Variants in HOMER3 observed in about 807,000 individuals in gnomAD.
HOMER3 encodes homer scaffold protein 3.
HOMER3 carries 34 observed loss-of-function variants against 45.5 expected under a neutral mutation model. The observed-to-expected ratio is 0.75, with a 90% confidence interval of 0.57 to 1.00. HOMER3 has a LOEUF of 1.00. Among genes scored for constraint, HOMER3 ranks in the 50% least tolerant of loss-of-function variants. The pLI is 0.00. For missense variants in HOMER3, 480 were observed against 497.5 expected (o/e 0.96, Z 0.33); for synonymous variants, 223 against 208.8 (o/e 1.07, Z -0.58).
intron 6 of HOMER3, among the ~76,000 whole-genome samples, chr19:18,932,430 A>G (rs557515491): frequency 1.5e-4 from 18 of 121,462 alleles, no homozygotes; most frequent in Admixed American, 3.2e-4. Context: ...GGGCCAGAGG[A>G]GGGGTGGCTT....
Position 18,933,062 on chromosome 19 carries a change from G to T in HOMER3, c.412-17C>A, listed in dbSNP as rs1372375201. On this transcript the variant is annotated splice_polypyrimidine_tract_variant and intron_variant, in intron 5 of 9. Coordinates refer to ENST00000392351, the MANE Select transcript of HOMER3 (RefSeq NM_004838.4). Reference sequence around the variant, plus strand: ...CGGGGGCACCTAGGCACGGGGAAAAGAATAGGTCACGACCCCACATCAGCT... The same window carrying T: ...CGGGGGCACCTAGGCACGGGGAAAATAATAGGTCACGACCCCACATCAGCT... The T allele has an allele frequency of 3.4e-6, 5 of 1,485,492 alleles. No homozygotes were observed. Among genetic ancestry groups the T allele is most frequent in the Admixed American group, 5.6e-5 (2 of 35,930 alleles). 92.0% of individuals were successfully genotyped at this position (1,485,492 alleles called of 1,614,324 possible).
chr19:18,929,344 A>G lies in HOMER3; in HGVS notation c.*99T>C. The G allele has an allele frequency of 4.9e-6, 6 of 1,232,570 alleles. No individual in the cohort carries two copies. The highest frequency in any genetic ancestry group is 1.5e-5 in the African/African-American group (1 of 67,260). 76.4% of individuals were successfully genotyped at this position (1,232,570 alleles called of 1,614,324 possible). On this transcript the variant is annotated 3_prime_UTR_variant, in exon 10 of 10. Coordinates refer to ENST00000392351, the MANE Select transcript of HOMER3 (RefSeq NM_004838.4). ...CCGGCCCACCCAGGGCTAAGTTGGG[A>G]CCCCCCAGTCCCTTTCCAGGACGAA... is the stretch of plus-strand genomic sequence containing the variant.
At chr19:18,931,217 C>T (rs2057027805) in intron 9 of HOMER3, 108 bp downstream of exon 9, 1 of 991,850 alleles carries the variant, frequency 1.0e-6, no homozygotes, top group Non-Finnish European at 1.5e-6. Context: ...AGGCCTTCCA[C>T]AGGACTGGGC....
At chr19:18,932,170 G>T (rs1430547758) in intron 6 of HOMER3, 38 bp from the exon 7 acceptor site, 2 of 1,502,442 alleles carry the variant, frequency 1.3e-6, no homozygotes, top group South Asian at 1.3e-5. Flanking sequence ...GTGACACGGG[G>T]CTGGGGGGCG....
Position 18,930,246 on chromosome 19 carries a change from T to A in HOMER3, c.895-612A>T, listed in dbSNP as rs371579946. Among the ~76,000 whole-genome samples the A allele has an allele frequency of 2.5e-4, 25 of 99,752 alleles. No individual in the cohort carries two copies. The East Asian group carries it at 5.3e-3, about 21-fold the overall frequency. 65.4% of individuals were successfully genotyped at this position (99,752 alleles called of 152,430 possible). ...GCCTGGGTGACAGAGTGAGACTCCA[T>A]CTCAAAAAAAAAAAAAAAAGGCTGG... On this transcript the variant is annotated intron_variant, in intron 9 of 9. Coordinates refer to ENST00000392351, the MANE Select transcript of HOMER3 (RefSeq NM_004838.4).
chr19:18,938,236 A>C, intron 4 of HOMER3, 117 bp downstream of exon 4: 1 of 1,137,742 alleles, frequency 8.8e-7, no homozygotes, highest in South Asian at 1.7e-5. Flanking sequence ...CTCATCCTAC[A>C]ATCCCATCCT....
chr19:18,932,912 C>T lies in HOMER3; in HGVS notation c.533+12G>A. ...CCCCGCCCCTGCCACGCCCCCAAGT[C>T]CCGCCCCTCACCCCTCAGACAACAT... is the stretch of plus-strand genomic sequence containing the variant. On this transcript the variant is annotated intron_variant, in intron 6 of 9. Coordinates refer to ENST00000392351, the MANE Select transcript of HOMER3 (RefSeq NM_004838.4). The T allele has an allele frequency of 2.8e-6, 2 of 705,916 alleles. No individual in the cohort carries two copies. Among genetic ancestry groups the T allele is most frequent in the East Asian group, 7.6e-5 (1 of 13,178 alleles). 43.7% of individuals were successfully genotyped at this position (705,916 alleles called of 1,614,324 possible).
chr19:18,932,727 A>T (rs1331233884), intron 6 of HOMER3, among the ~76,000 whole-genome samples, 197 bp downstream of exon 6: 1 of 150,678 alleles, frequency 6.6e-6, no homozygotes, highest in Non-Finnish European at 1.5e-5. Flanking sequence ...GGGTCAAAAC[A>T]GAGGGGCGTG....
chr19:18,934,820 T>C (rs903435882), intron 4 of HOMER3, among the ~76,000 whole-genome samples: 3 of 151,660 alleles, frequency 2.0e-5, no homozygotes, highest in Non-Finnish European at 1.5e-5. Context: ...TAATTTTTTC[T>C]AGAGACGGGG....
In HOMER3 at chr19:18,934,299, T is replaced by G. The variant is rs375342346; in HGVS notation, c.411+4A>C. 2.1e-5 allele frequency: 32 copies of G among 1,497,454 alleles called. No individual in the cohort carries two copies. In the Admixed American group the frequency reaches 2.7e-4, roughly 13 times the overall value. The allele number at this position is 1,497,454 out of a possible 1,614,324, so 92.8% of individuals were successfully genotyped here. ...GCAGGCATAGGGGAGTAGGGAGTGCTGACCTGGTGGGAGGCGAGCCCCAGG... is the reference window on the plus strand; with the variant it reads ...GCAGGCATAGGGGAGTAGGGAGTGCGGACCTGGTGGGAGGCGAGCCCCAGG... On this transcript the variant is annotated splice_donor_region_variant and intron_variant, in intron 5 of 9. Coordinates refer to ENST00000392351, the MANE Select transcript of HOMER3 (RefSeq NM_004838.4).
In HOMER3 at chr19:18,932,047, T is replaced by C. The variant is rs1300655739; in HGVS notation, c.619A>G (p.Asn207Asp). The C allele has an allele frequency of 1.3e-6, 2 of 1,555,626 alleles. No homozygotes were observed. The highest frequency in any genetic ancestry group is 1.7e-6 in the Non-Finnish European group (2 of 1,151,636). The part of the protein sequence containing the change: ...NKLAGALREA[N>D]AAAAQWRQQL... ...TGCCTCCACTGGGCTGCGGCGGCGTTGGCCTCTCGCAGGGCGCCTGCCAGC... is the reference window on the plus strand; with the variant it reads ...TGCCTCCACTGGGCTGCGGCGGCGTCGGCCTCTCGCAGGGCGCCTGCCAGC... The change falls in exon 7 of 10, where the codon AAC becomes GAC. Residue 207 changes from asparagine (N) to aspartate (D), a missense_variant. By Grantham distance (23) the Asn-to-Asp change is conservative. Transcript: ENST00000392351.
At position 18,931,364 on chromosome 19, in the gene HOMER3, C is replaced by T; in HGVS notation, c.855G>A (p.Leu285=). ...GAGTCTCCTCACGCTCGGCAGCCTC[C>T]AGGGCCTCGCGGGGCCCCCCAGTCT... The part of the protein sequence containing the change: ...KSQTGGPREA[L]EAAEREETQQ... Residue 285 remains leucine, a synonymous_variant, in exon 9 of 10, where the codon CTG becomes CTA. Transcript: ENST00000392351. The T allele has an allele frequency of 6.2e-7, 1 of 1,614,180 alleles. No individual in the cohort carries two copies. The highest frequency in any genetic ancestry group is 8.5e-7 in the Non-Finnish European group (1 of 1,180,026).
At chr19:18,937,032 G>A (rs1459426083) in intron 4 of HOMER3, among the ~76,000 whole-genome samples, 1 of 151,818 alleles carries the variant, frequency 6.6e-6, no homozygotes, top group Non-Finnish European at 1.5e-5. Context: ...TTGTCTGGGT[G>A]CAGTGGCTCA....
At chr19:18,937,325 A>AAAAAAAG in intron 4 of HOMER3, among the ~76,000 whole-genome samples, 1 of 141,018 alleles carries the variant, frequency 7.1e-6, no homozygotes, top group South Asian at 2.6e-4. Context: ...AAAAAAAAAA[A>AAAAAAAG]GAAGGGAGGG....
intron 4 of HOMER3, among the ~76,000 whole-genome samples, chr19:18,935,510 A>G (rs1355693444): frequency 6.6e-6 from 1 of 152,132 alleles, no homozygotes; most frequent in Non-Finnish European, 1.5e-5. Context: ...AACACCTGTT[A>G]TTATTCCTTT....
chr19:18,933,132 A>G (rs2057056843), intron 5 of HOMER3, 87 bp from the exon 6 acceptor site: 4 of 1,389,500 alleles, frequency 2.9e-6, no homozygotes, highest in East Asian at 5.6e-5. Flanking sequence ...CGGGGGTGCA[A>G]TTGACCTATG....
intron 1 of HOMER3, 23 bp from the exon 2 acceptor site, chr19:18,939,072 G>C: frequency 7.5e-7 from 1 of 1,324,754 alleles, no homozygotes; most frequent in Non-Finnish European, 1.0e-6. Flanking sequence ...GAGGGACTAT[G>C]AGTGTCCCTC....
chr19:18,931,647 C>T (rs1291636284), intron 7 of HOMER3, 22 bp from the exon 8 acceptor site: 1 of 1,572,158 alleles, frequency 6.4e-7, no homozygotes, highest in Middle Eastern at 2.1e-4. Flanking sequence ...GAATAGCAGC[C>T]CCTGACGCCC....
intron 4 of HOMER3, 143 bp from the exon 5 acceptor site, chr19:18,934,553 A>C (rs903406151): frequency 4.0e-6 from 2 of 505,070 alleles, no homozygotes; most frequent in Middle Eastern, 2.8e-4. Context: ...AAACTTTGAA[A>C]AATGATGTAC....
Sources: allele counts gnomAD v4.1 joint callset (sites outside exome capture counted in the v4.1 genomes callset), GRCh38; gene constraint gnomAD v4.1.1; transcripts MANE v1.5; gene names NCBI Gene and HGNC (gene_info 2026-07-23, HGNC 2026-07-21).